The following SLCO3A1 variants were observed in gnomAD, a reference collection of about 807,000 sequenced individuals.
SLCO3A1 encodes the protein solute carrier organic anion transporter family member 3A1, also known as PGE1 transporter.
A neutral mutation model predicts 63.1 loss-of-function variants in SLCO3A1; 27 were observed. That is an observed-to-expected ratio of 0.43 (90% confidence interval 0.32 to 0.59). The LOEUF is 0.59. Among genes scored for constraint, SLCO3A1 ranks in the 20% least tolerant of loss-of-function variants. The probability of loss-of-function intolerance (pLI) is 0.09; values close to 1 mark genes in which losing one functional copy is unlikely to be tolerated. For synonymous variants in SLCO3A1, 473 were observed against 409.9 expected (o/e 1.15, Z -1.86); for missense variants, 773 against 945.8 (o/e 0.82, Z 2.40).
intron 2 of SLCO3A1, among the ~76,000 whole-genome samples, chr15:91,980,702 G>A (rs2045974254): frequency 6.6e-6 from 1 of 152,106 alleles, no homozygotes; most frequent in African/African-American, 2.4e-5. Context: ...TATGCACTAG[G>A]AAGTGAGTGT....
intron 2 of SLCO3A1, among the ~76,000 whole-genome samples, chr15:91,976,248 A>G (rs1053182344): frequency 6.6e-6 from 1 of 152,214 alleles, no homozygotes; most frequent in South Asian, 2.1e-4. Context: ...AAGAGTTAGT[A>G]CCAAAAAAAG....
chr15:91,990,123 A>G (rs2046107865), intron 2 of SLCO3A1, among the ~76,000 whole-genome samples: 2 of 152,190 alleles, frequency 1.3e-5, no homozygotes. Flanking sequence ...GTGCTTTAAG[A>G]TGAGGGAAAT....
At chr15:91,966,297 G>A (rs1483422501) in intron 2 of SLCO3A1, among the ~76,000 whole-genome samples, 4 of 152,284 alleles carry the variant, frequency 2.6e-5, no homozygotes, top group East Asian at 1.9e-4. Context: ...TGTACTGACC[G>A]AGGCCAGCAC....
Position 91,966,941 on chromosome 15 carries a change from G to A in SLCO3A1, c.646+50483G>A, listed in dbSNP as rs530887937. On this transcript the variant is annotated intron_variant, in intron 2 of 9. Coordinates refer to ENST00000318445, the MANE Select transcript of SLCO3A1 (RefSeq NM_013272.4). Reference sequence around the variant, plus strand: ...TTGTGTGGCATTTTACTTCCAAAGGGCAGCTTTGGTCATGGAGGAGAAGAC... The same window carrying A: ...TTGTGTGGCATTTTACTTCCAAAGGACAGCTTTGGTCATGGAGGAGAAGAC... Among the ~76,000 whole-genome samples the A allele has an allele frequency of 2.6e-5, 4 of 152,212 alleles. No individual in the cohort carries two copies. In the South Asian group the frequency reaches 8.3e-4, roughly 32 times the overall value.
Position 92,033,125 on chromosome 15 carries a change from A to C in SLCO3A1, c.647-61756A>C, listed in dbSNP as rs903259432. On this transcript the variant is annotated intron_variant, in intron 2 of 9. Coordinates refer to ENST00000318445, the MANE Select transcript of SLCO3A1 (RefSeq NM_013272.4). This position sits in a 1 kb window ranked among gnomAD's most constrained non-coding sequence, Gnocchi z 4.5. ...TATAGAATTTTAGAATTTACCAAAG[A>C]ATCTCACGTGTAAAAAAAACAAAAG... Among the ~76,000 whole-genome samples the C allele has an allele frequency of 6.6e-6, 1 of 152,172 alleles. No homozygotes were observed. The highest frequency in any genetic ancestry group is 1.5e-5 in the Non-Finnish European group (1 of 68,036).
intron 2 of SLCO3A1, among the ~76,000 whole-genome samples, chr15:92,016,211 A>G (rs2046425414): frequency 1.2e-5 from 1 of 80,204 alleles, no homozygotes; most frequent in African/African-American, 6.6e-5. Flanking sequence ...TTATATAGAT[A>G]GATAGATAGA....
At chr15:91,891,353 T>C (rs11858413) in intron 1 of SLCO3A1, among the ~76,000 whole-genome samples, 4,804 of 152,228 alleles carry the variant, frequency 0.032, 256 homozygotes, top group African/African-American at 0.11. Flanking sequence ...CTGCACCCAA[T>C]GTCTGATCCA....
chr15:91,861,127 T>C (rs1333072254), intron 1 of SLCO3A1, among the ~76,000 whole-genome samples: 3 of 152,200 alleles, frequency 2.0e-5, no homozygotes, highest in African/African-American at 7.2e-5. Flanking sequence ...CACCTTCAAA[T>C]GCCACAGGCT....
At chr15:92,003,275 A>G (rs991297725) in intron 2 of SLCO3A1, among the ~76,000 whole-genome samples, 1 of 152,190 alleles carries the variant, frequency 6.6e-6, no homozygotes, top group African/African-American at 2.4e-5. Flanking sequence ...GCGTGGTAGG[A>G]GGTAGTTAAT....
chr15:91,953,021 A>G lies in SLCO3A1; in HGVS notation c.646+36563A>G, dbSNP rs548519723. On this transcript the variant is annotated intron_variant, in intron 2 of 9. Coordinates refer to ENST00000318445, the MANE Select transcript of SLCO3A1 (RefSeq NM_013272.4). ...CTGAAAATTAGATCAAAGAATCCCA[A>G]GAAGTAGATAGGCATCAACCTCAGT... Among the ~76,000 whole-genome samples, 3 of 152,326 alleles carry G rather than the reference A, an allele frequency of 2.0e-5. No individual in the cohort carries two copies. In the South Asian group the frequency reaches 6.2e-4, roughly 32 times the overall value.
intron 2 of SLCO3A1, among the ~76,000 whole-genome samples, chr15:91,977,423 G>C (rs781319981): frequency 6.6e-6 from 1 of 152,174 alleles, no homozygotes; most frequent in African/African-American, 2.4e-5. Context: ...CAGCTGCAGA[G>C]AAAGCCAGTT....
chr15:92,150,846 A>G lies in SLCO3A1; in HGVS notation c.1689-104A>G, dbSNP rs139783209. On this transcript the variant is annotated intron_variant, in intron 8 of 9. Transcript: ENST00000318445. ...AAAAGACACTATTAGTAATTTTCTA[A>G]AGAAGAGCTCTGATGGACAGCAGCA... 25 of 711,222 alleles carry G rather than the reference A, an allele frequency of 3.5e-5. No homozygotes were observed. In the African/African-American group the frequency reaches 4.1e-4, roughly 12 times the overall value. 44.1% of individuals were successfully genotyped at this position (711,222 alleles called of 1,614,324 possible).
rs1246972914 is a variant in SLCO3A1, at chr15:91,900,956, C to T, written c.181-15037C>T. On this transcript the variant is annotated intron_variant, in intron 1 of 9. Transcript: ENST00000318445. The surrounding 1 kb of genome is among the most constrained non-coding windows in gnomAD (Gnocchi z 4.3). ...AATATTATTGTTGTATTGTTTATTT[C>T]GCCTTTCATTTTGTCGATTTTTACT... Among the ~76,000 whole-genome samples, 2 of 152,096 alleles carry T rather than the reference C, an allele frequency of 1.3e-5. No individual in the cohort carries two copies. Among genetic ancestry groups the T allele is most frequent in the East Asian group, 1.9e-4 (1 of 5,180 alleles).
intron 2 of SLCO3A1, among the ~76,000 whole-genome samples, chr15:92,021,868 G>T (rs2046513645): frequency 6.6e-6 from 1 of 152,064 alleles, no homozygotes; most frequent in South Asian, 2.1e-4. Flanking sequence ...GCAGAGGAGT[G>T]TCAGAGCCTC....
chr15:92,140,212 T>C (rs2048112426), intron 7 of SLCO3A1, among the ~76,000 whole-genome samples: 1 of 130,886 alleles, frequency 7.6e-6, no homozygotes, highest in South Asian at 2.7e-4. Flanking sequence ...AACATCTTTA[T>C]TTCTGCCTTC....
At chr15:91,956,477 G>T (rs544598889) in intron 2 of SLCO3A1, among the ~76,000 whole-genome samples, 1 of 152,130 alleles carries the variant, frequency 6.6e-6, no homozygotes, top group Non-Finnish European at 1.5e-5. Flanking sequence ...AAGAGAAGCA[G>T]TTTGCAAAAG....
chr15:92,024,538 A>G (rs773622582), intron 2 of SLCO3A1, among the ~76,000 whole-genome samples: 2 of 152,208 alleles, frequency 1.3e-5, no homozygotes, highest in Non-Finnish European at 2.9e-5. Flanking sequence ...GTATGTATTC[A>G]TCCACCCACT....
At position 91,967,010 on chromosome 15, in the gene SLCO3A1, A is replaced by G. The variant is rs139173228; in HGVS notation, c.646+50552A>G. Among the ~76,000 whole-genome samples the G allele has an allele frequency of 3.8e-3, 572 of 152,124 alleles. 4 individuals carry two copies. Among genetic ancestry groups the G allele is most frequent in the African/African-American group, 0.013 (557 of 41,530 alleles). ...TTTGGGGATTTTTTTTTTTGACAGC[A>G]AGAGAGATGAGATACAATTTGTATT... On this transcript the variant is annotated intron_variant, in intron 2 of 9. Coordinates refer to ENST00000318445, the MANE Select transcript of SLCO3A1 (RefSeq NM_013272.4). The surrounding 1 kb of genome is among the most constrained non-coding windows in gnomAD (Gnocchi z 4.4).
At chr15:91,995,371 A>G (rs1314271875) in intron 2 of SLCO3A1, among the ~76,000 whole-genome samples, 2 of 152,240 alleles carry the variant, frequency 1.3e-5, no homozygotes, top group African/African-American at 4.8e-5. Context: ...TGAGGAGCCC[A>G]TGGGATAATG....
Sources: gnomAD v4.1 joint callset for allele counts (sites outside exome capture counted in the v4.1 genomes callset) on GRCh38, gnomAD v4.1.1 for gene constraint, Gnocchi (gnomAD v3.1) non-coding constraint, MANE v1.5 for transcripts, NCBI Gene and HGNC (gene_info 2026-07-23, HGNC 2026-07-21) for gene names.